The following EHBP1 variants were observed in gnomAD, a reference collection of about 807,000 sequenced individuals.
The protein encoded by EHBP1 is EH domain-binding protein 1.
A neutral mutation model predicts 144.0 loss-of-function variants in EHBP1; 55 were observed. The observed-to-expected ratio is 0.38, with a 90% CI of 0.31 to 0.48. EHBP1 has a LOEUF of 0.48. Among genes scored for constraint, EHBP1 ranks in the 20% least tolerant of loss-of-function variants. The probability of loss-of-function intolerance (pLI) is 0.98; values close to 1 mark genes in which losing one functional copy is unlikely to be tolerated. For synonymous variants in EHBP1, 469 were observed against 472.7 expected (o/e 0.99, Z 0.10); for missense variants, 1,200 against 1,364.2 (o/e 0.88, Z 1.90).
intron 1 of EHBP1, among the ~76,000 whole-genome samples, chr2:62,693,501 G>A (rs1200992862): frequency 7.9e-5 from 12 of 152,032 alleles, no homozygotes; most frequent in South Asian, 2.1e-4. Flanking sequence ...AAATGGATAC[G>A]TAATAATTGT....
intron 14 of EHBP1, chr2:62,956,210 C>T (rs553844669): frequency 6.6e-6 from 1 of 152,292 alleles, no homozygotes; most frequent in East Asian, 1.9e-4. Flanking sequence ...TACTGCCATC[C>T]TTGTACTAAA....
intron 14 of EHBP1, among the ~76,000 whole-genome samples, chr2:62,978,283 C>T (rs1470265954): frequency 6.6e-6 from 1 of 151,564 alleles, no homozygotes; most frequent in Non-Finnish European, 1.5e-5. Context: ...TCACTGCAAC[C>T]TCCGCCTCCT....
At chr2:62,848,948 A>G (rs1479604901) in intron 7 of EHBP1, among the ~76,000 whole-genome samples, 2 of 152,164 alleles carry the variant, frequency 1.3e-5, no homozygotes, top group South Asian at 2.1e-4. Context: ...TATAGTAAAT[A>G]TATTAGGTTT....
chr2:62,915,051 G>A (rs753478463), intron 10 of EHBP1, among the ~76,000 whole-genome samples: 1 of 151,842 alleles, frequency 6.6e-6, no homozygotes, highest in Non-Finnish European at 1.5e-5. Flanking sequence ...ATCTAAAAAT[G>A]TGCCTTCCCC....
intron 4 of EHBP1, among the ~76,000 whole-genome samples, chr2:62,768,098 A>G (rs1487063859): frequency 2.0e-5 from 3 of 152,192 alleles, no homozygotes; most frequent in Non-Finnish European, 2.9e-5. Flanking sequence ...ACAACCTAAC[A>G]TCACAACTGA....
chr2:62,764,411 C>T (rs2041009983), intron 4 of EHBP1, 50 bp downstream of exon 4: 2 of 1,342,472 alleles, frequency 1.5e-6, no homozygotes, highest in East Asian at 2.6e-5. Flanking sequence ...ACCAGGGTAC[C>T]AAATGACAGA....
intron 19 of EHBP1, among the ~76,000 whole-genome samples, chr2:63,024,119 G>A (rs986792181): frequency 1.3e-5 from 2 of 152,160 alleles, no homozygotes; most frequent in Non-Finnish European, 2.9e-5. Flanking sequence ...GCCAAGGTGG[G>A]CGGATCATGA....
chr2:62,788,482 A>G (rs184535423), intron 5 of EHBP1, among the ~76,000 whole-genome samples: 2 of 152,252 alleles, frequency 1.3e-5, no homozygotes, highest in African/African-American at 4.8e-5. Flanking sequence ...GTGTACCAAA[A>G]AAAAAACCCT....
At chr2:62,903,957 T>C (rs1249840139) in intron 10 of EHBP1, among the ~76,000 whole-genome samples, 1 of 152,228 alleles carries the variant, frequency 6.6e-6, no homozygotes, top group African/African-American at 2.4e-5. Context: ...CATATCTTAC[T>C]TCCACCACCA....
At chr2:62,682,870 G>C (rs2033579149) in intron 1 of EHBP1, among the ~76,000 whole-genome samples, 1 of 152,130 alleles carries the variant, frequency 6.6e-6, no homozygotes, top group East Asian at 1.9e-4. Flanking sequence ...CACTGACATT[G>C]AAGTGAAGTT....
intron 10 of EHBP1, among the ~76,000 whole-genome samples, chr2:62,889,970 T>C (rs1461037007): frequency 2.1e-4 from 32 of 149,574 alleles, no homozygotes; most frequent in Admixed American, 2.1e-3. Flanking sequence ...TTTTTTTTTT[T>C]TTTTTTTTTG....
chr2:62,937,139 G>A (rs545494605), intron 10 of EHBP1, among the ~76,000 whole-genome samples: 25 of 152,278 alleles, frequency 1.6e-4, no homozygotes, highest in African/African-American at 5.8e-4. Flanking sequence ...AGAGGGCAGC[G>A]ATCTAACCTC....
chr2:62,784,595 C>T (rs1299699306), intron 5 of EHBP1, among the ~76,000 whole-genome samples: 2 of 152,144 alleles, frequency 1.3e-5, no homozygotes, highest in African/African-American at 4.8e-5. Flanking sequence ...GCAGTTGCCA[C>T]ATGAACTTGA....
chr2:62,979,000 A>G (rs1363728523), intron 14 of EHBP1, among the ~76,000 whole-genome samples, 188 bp from the exon 15 acceptor site: 27 of 152,200 alleles, frequency 1.8e-4, no homozygotes, highest in Admixed American at 1.7e-3. Flanking sequence ...TAATTTGTAA[A>G]TGTTTTTAAA....
intron 8 of EHBP1, 92 bp downstream of exon 8, chr2:62,859,383 C>A: frequency 8.2e-7 from 1 of 1,221,398 alleles, no homozygotes; most frequent in Non-Finnish European, 1.1e-6. Context: ...GAGACTAACA[C>A]ACAAAAAATT....
At chr2:62,934,566 T>C (rs1373046860) in intron 10 of EHBP1, among the ~76,000 whole-genome samples, 3 of 152,214 alleles carry the variant, frequency 2.0e-5, no homozygotes, top group African/African-American at 7.2e-5. Context: ...GCATCAGGTA[T>C]GCTAGGCCAT....
chr2:62,685,915 A>G (rs1445412544), intron 1 of EHBP1, among the ~76,000 whole-genome samples: 2 of 152,172 alleles, frequency 1.3e-5, no homozygotes, highest in Non-Finnish European at 2.9e-5. Context: ...AGAGCAACAA[A>G]TTGAAGAAAA....
chr2:62,840,015 G>T (rs1164830892), intron 7 of EHBP1, among the ~76,000 whole-genome samples: 1 of 152,162 alleles, frequency 6.6e-6, no homozygotes, highest in Non-Finnish European at 1.5e-5. Flanking sequence ...AACCAAAAAA[G>T]GGCTTGCATT....
At chr2:63,023,293 T>C (rs2060834938) in intron 19 of EHBP1, among the ~76,000 whole-genome samples, 1 of 152,230 alleles carries the variant, frequency 6.6e-6, no homozygotes, top group African/African-American at 2.4e-5. Context: ...TTTAATGGAA[T>C]TTGGAGGAAT....
Sources: gnomAD v4.1 joint callset for allele counts (sites outside exome capture counted in the v4.1 genomes callset) on GRCh38, gnomAD v4.1.1 for gene constraint, MANE v1.5 for transcripts, NCBI Gene and HGNC (gene_info 2026-07-23, HGNC 2026-07-21) for gene names.